SNTB1: variants seen among roughly 807,000 people sequenced by gnomAD.
The protein encoded by SNTB1 is beta-1-syntrophin.
SNTB1 carries 36 observed loss-of-function variants against 48.9 expected under a neutral mutation model. The ratio of observed to expected loss-of-function variants is 0.74; its 90% CI spans 0.56 to 0.97. The LOEUF (loss-of-function observed/expected upper bound fraction) is 0.97, where lower values mean the gene tolerates loss of function less well. Ranked by LOEUF, SNTB1 falls within the 50% of genes least tolerant of loss-of-function variation. The pLI, the probability that SNTB1 is intolerant of heterozygous loss-of-function variation, is 0.00. For missense variants in SNTB1, 786 were observed against 703.4 expected, an observed-to-expected ratio of 1.12 and a Z score of -1.33; for synonymous variants, 299 against 294.6, an observed-to-expected ratio of 1.01 and a Z score of -0.15.
intron 2 of SNTB1, among the ~76,000 whole-genome samples, chr8:120,680,699 C>T (rs1327285435): frequency 6.6e-6 from 1 of 152,164 alleles, no homozygotes; most frequent in East Asian, 1.9e-4. Context: ...TTTTCAGAGG[C>T]ATCATTATCT....
intron 1 of SNTB1, among the ~76,000 whole-genome samples, chr8:120,808,774 T>C (rs1383241568): frequency 1.3e-5 from 2 of 152,134 alleles, no homozygotes; most frequent in African/African-American, 4.8e-5. Flanking sequence ...GTTCCACTTG[T>C]AGAGGTAGTA....
intron 4 of SNTB1, among the ~76,000 whole-genome samples, chr8:120,552,275 G>A (rs1413280005): frequency 1.3e-5 from 2 of 152,202 alleles, no homozygotes; most frequent in African/African-American, 2.4e-5. Context: ...AAAGGAATGA[G>A]GTCTAAGAAA....
chr8:120,577,095 G>A (rs1469753067), intron 3 of SNTB1, among the ~76,000 whole-genome samples: 2 of 152,138 alleles, frequency 1.3e-5, no homozygotes, highest in African/African-American at 4.8e-5. Context: ...TATAAGACAA[G>A]CCAAAAATAA....
intron 1 of SNTB1, among the ~76,000 whole-genome samples, chr8:120,747,925 G>A (rs1345794358): frequency 6.6e-6 from 1 of 152,142 alleles, no homozygotes; most frequent in African/African-American, 2.4e-5. Flanking sequence ...AAACATGGTT[G>A]TCTCTGGGTA....
At chr8:120,569,853 A>G (rs1046635144) in intron 4 of SNTB1, among the ~76,000 whole-genome samples, 3 of 152,224 alleles carry the variant, frequency 2.0e-5, no homozygotes, top group African/African-American at 4.8e-5. Context: ...AAGTAGCCAC[A>G]TCTGGCTAGT....
chr8:120,592,184 AT>A (rs35239154), intron 3 of SNTB1, among the ~76,000 whole-genome samples: 5,583 of 149,084 alleles, frequency 0.037, 355 homozygotes, highest in African/African-American at 0.13. Context: ...AATAAGCAGA[AT>A]TTTTTTTTTT....
intron 1 of SNTB1, among the ~76,000 whole-genome samples, chr8:120,755,148 G>T (rs1819293033): frequency 1.5e-5 from 1 of 65,486 alleles, no homozygotes; most frequent in Non-Finnish European, 2.4e-5. Flanking sequence ...GGTGTTGTGT[G>T]TGTGTGTGTG....
intron 2 of SNTB1, among the ~76,000 whole-genome samples, chr8:120,677,290 A>T (rs1817853078): frequency 6.6e-6 from 1 of 152,146 alleles, no homozygotes. Flanking sequence ...TTATTGGAAT[A>T]TTTCTATAAA....
Position 120,743,464 on chromosome 8 carries a change from G to A in SNTB1, c.572-49556C>T, listed in dbSNP as rs111569208. 5.1e-3 allele frequency among the ~76,000 whole-genome samples: 779 copies of A among 152,288 alleles called. 10 individuals are homozygous for A. Among genetic ancestry groups the A allele is most frequent in the African/African-American group, 0.018 (740 of 41,546 alleles). On this transcript the variant is annotated intron_variant, in intron 1 of 6. Coordinates refer to ENST00000517992, the MANE Select transcript of SNTB1 (RefSeq NM_021021.4). ...CAATGCAGGCAGGAGTGATCGGACT[G>A]TATTAATGGAAAGTTGCATAAGGGG...
At chr8:120,541,001 C>T (rs922636135) in intron 6 of SNTB1, among the ~76,000 whole-genome samples, 7 of 152,126 alleles carry the variant, frequency 4.6e-5, no homozygotes, top group East Asian at 1.9e-4. Flanking sequence ...TTAGTCATTA[C>T]GAAATCAAAG....
intron 1 of SNTB1, among the ~76,000 whole-genome samples, chr8:120,777,416 G>C (rs986759814): frequency 6.6e-6 from 1 of 152,118 alleles, no homozygotes; most frequent in African/African-American, 2.4e-5. Context: ...CTATAGAGAG[G>C]AGAGCCACCT....
intron 3 of SNTB1, among the ~76,000 whole-genome samples, chr8:120,605,299 C>T (rs1816495584): frequency 6.6e-6 from 1 of 152,196 alleles, no homozygotes; most frequent in African/African-American, 2.4e-5. Context: ...TTGTGCTACT[C>T]CCATAATTCA....
At chr8:120,645,310 G>A (rs1277303197) in intron 2 of SNTB1, among the ~76,000 whole-genome samples, 1 of 150,498 alleles carries the variant, frequency 6.6e-6, no homozygotes, top group Admixed American at 6.6e-5. Flanking sequence ...TAACGTTTAA[G>A]TCTTTAATCC....
chr8:120,723,628 G>C (rs1242596898), intron 1 of SNTB1, among the ~76,000 whole-genome samples: 2 of 152,178 alleles, frequency 1.3e-5, no homozygotes, highest in Non-Finnish European at 2.9e-5. Flanking sequence ...CAGCTCACCA[G>C]TTAGGTGCAC....
intron 3 of SNTB1, among the ~76,000 whole-genome samples, chr8:120,600,430 G>A (rs1340966777): frequency 6.6e-6 from 1 of 152,206 alleles, no homozygotes; most frequent in Non-Finnish European, 1.5e-5. Flanking sequence ...ACAGCTCAGT[G>A]CAGTTTCCAG....
chr8:120,807,014 G>A (rs1034404248), intron 1 of SNTB1, among the ~76,000 whole-genome samples: 6 of 152,148 alleles, frequency 3.9e-5, no homozygotes, highest in African/African-American at 1.4e-4. Context: ...TGCTGAAGGG[G>A]AAGCTCTAAC....
chr8:120,576,137 G>A (rs1419507751), intron 3 of SNTB1, among the ~76,000 whole-genome samples: 2 of 152,106 alleles, frequency 1.3e-5, no homozygotes, highest in African/African-American at 2.4e-5. Context: ...TAGAGTCTCA[G>A]GCCCATCCAG....
intron 1 of SNTB1, among the ~76,000 whole-genome samples, chr8:120,704,464 AAG>A: frequency 6.6e-6 from 1 of 152,134 alleles, no homozygotes; most frequent in East Asian, 1.9e-4. Context: ...TCAAAAAAAA[AAG>A]AGAAAAAACA....
intron 3 of SNTB1, among the ~76,000 whole-genome samples, chr8:120,608,572 C>T (rs1037811845): frequency 2.6e-5 from 4 of 152,132 alleles, no homozygotes; most frequent in African/African-American, 9.7e-5. Flanking sequence ...CCTGCTGGCA[C>T]CTTGATCTCA....
Sources: gnomAD v4.1 joint callset for allele counts (sites outside exome capture counted in the v4.1 genomes callset) on GRCh38, gnomAD v4.1.1 for gene constraint, MANE v1.5 for transcripts, NCBI Gene and HGNC (gene_info 2026-07-23, HGNC 2026-07-21) for gene names.